ZNF540: variants seen among roughly 807,000 people sequenced by gnomAD.
The protein encoded by ZNF540 is zinc finger protein 540, also known as CTD-3064H18.6.
In ZNF540, 3 loss-of-function variants were observed where a neutral mutation model predicts 11.8. That is an observed-to-expected ratio of 0.25 (90% CI 0.12 to 0.65). The LOEUF is 0.65. Ranked by LOEUF, ZNF540 falls within the 30% of genes least tolerant of loss-of-function variation. The pLI is 0.83. For missense variants in ZNF540, 709 were observed against 793.1 expected (o/e 0.89, Z 1.27); for synonymous variants, 247 against 259.0 (o/e 0.95, Z 0.45).
chr19:37,572,897 A>G (rs1437998189), intron 1 of ZNF540, among the ~76,000 whole-genome samples: 1 of 145,730 alleles, frequency 6.9e-6, no homozygotes, highest in Admixed American at 7.0e-5. Flanking sequence ...AGGGCAAGAA[A>G]TAATTATTTC....
intron 4 of ZNF540, among the ~76,000 whole-genome samples, chr19:37,602,557 G>T (rs2044047560): frequency 6.6e-6 from 1 of 152,194 alleles, no homozygotes; most frequent in Admixed American, 6.5e-5. Flanking sequence ...GTCCTTTACA[G>T]AAAGTTTGCT....
chr19:37,612,154 A>C lies in ZNF540; in HGVS notation c.874A>C (p.Ile292Leu), dbSNP rs1356819223. 1 of 1,611,504 alleles carries C rather than the reference A, an allele frequency of 6.2e-7. No individual in the cohort carries two copies. Among genetic ancestry groups the C allele is most frequent in the Non-Finnish European group, 8.5e-7 (1 of 1,179,630 alleles). The change falls in exon 5 of 5, where the codon ATT becomes CTT. Residue 292 changes from isoleucine to leucine, a missense_variant. By Grantham distance (5) the Ile-to-Leu change is conservative. Coordinates refer to ENST00000316433, the MANE Select transcript of ZNF540 (RefSeq NM_001172225.3). The stretch of plus-strand genomic sequence containing the variant: ...ATTAGAACTTACTCAACATAAAAGA[A>C]TTCATACTGGTAAGAAATCTTATGA... ...SRLELTQHKR[I>L]HTGKKSYECK...
In ZNF540 at chr19:37,565,884, A is replaced by C. The variant is rs762282395; in HGVS notation, c.-73+14219A>C. 5 of 1,613,918 alleles carry C rather than the reference A, an allele frequency of 3.1e-6. No individual in the cohort carries two copies. The South Asian group carries it at 5.5e-5, about 18-fold the overall frequency. ...GTCTGAATTCTCTGATGTTGAATAT[A>C]GCTTGGCTTTTTGCTAAAGGTATTC... is the stretch of plus-strand genomic sequence containing the variant. On this transcript the variant is annotated intron_variant, in intron 1 of 4. Coordinates refer to the ZNF540 transcript ENST00000592533.
At chr19:37,566,605 G>T in intron 1 of ZNF540, 1 of 215,098 alleles carries the variant, frequency 4.6e-6, no homozygotes, top group Non-Finnish European at 9.2e-6. Context: ...TGTGTAGCTG[G>T]ACATACAATC....
At chr19:37,554,368 A>AC (rs1232311457) in intron 1 of ZNF540, among the ~76,000 whole-genome samples, 1 of 152,028 alleles carries the variant, frequency 6.6e-6, no homozygotes, top group Non-Finnish European at 1.5e-5. Context: ...AAAAGTTTTC[A>AC]CTTTTTTCAT....
At chr19:37,584,225 G>A (rs1407374178) in intron 1 of ZNF540, 1 of 1,315,152 alleles carries the variant, frequency 7.6e-7, no homozygotes, top group Non-Finnish European at 1.1e-6. Flanking sequence ...TGCCTAAACA[G>A]TAGTATTAAC....
At chr19:37,579,249 C>T (rs2043359011) in intron 1 of ZNF540, among the ~76,000 whole-genome samples, 1 of 152,348 alleles carries the variant, frequency 6.6e-6, no homozygotes, top group Non-Finnish European at 1.5e-5. Flanking sequence ...AGTCCAGCCC[C>T]TTCAGGTCTC....
rs1220712849 is a variant in ZNF540, at chr19:37,570,983, C to T, written c.-73+19318C>T. ...ACAAATTACTCTAATTTTAAATCTA[C>T]TAACAGTATATAGCCTATTTCTAAT... On this transcript the variant is annotated intron_variant, in intron 1 of 4. Coordinates refer to the ZNF540 transcript ENST00000592533. Among the ~76,000 whole-genome samples, 3 of 152,198 alleles carry T rather than the reference C, an allele frequency of 2.0e-5. 1 individual carries two copies. The highest frequency in any genetic ancestry group is 1.3e-4 in the Admixed American group (2 of 15,282).
chr19:37,563,408 C>T (rs1372490274), intron 1 of ZNF540: 1 of 151,068 alleles, frequency 6.6e-6, no homozygotes, highest in Non-Finnish European at 1.5e-5. Flanking sequence ...AAAAATTTAC[C>T]ATTCAGTATA....
intron 1 of ZNF540, chr19:37,563,903 C>T (rs1479704230): frequency 6.6e-6 from 1 of 151,820 alleles, no homozygotes; most frequent in Non-Finnish European, 1.5e-5. Flanking sequence ...ATTCTTTTTC[C>T]CTTAAAGTAA....
chr19:37,606,338 T>C (rs979443467), intron 4 of ZNF540, among the ~76,000 whole-genome samples: 1 of 152,232 alleles, frequency 6.6e-6, no homozygotes, highest in Non-Finnish European at 1.5e-5. Flanking sequence ...TGGACATTTG[T>C]ATTGTTTACA....
chr19:37,573,644 C>CAGTAG (rs1280500328), intron 1 of ZNF540, among the ~76,000 whole-genome samples: 1 of 143,242 alleles, frequency 7.0e-6, no homozygotes, highest in East Asian at 2.0e-4. Context: ...CTGGGCAACA[C>CAGTAG]AGTAGACACA....
At chr19:37,571,240 G>A (rs2043039853) in intron 1 of ZNF540, among the ~76,000 whole-genome samples, 1 of 152,128 alleles carries the variant, frequency 6.6e-6, no homozygotes, top group African/African-American at 2.4e-5. Context: ...GCTCATGCCT[G>A]TAATCCCAGC....
chr19:37,573,006 ATGAT>A (rs1288891523), intron 1 of ZNF540, among the ~76,000 whole-genome samples: 1 of 152,142 alleles, frequency 6.6e-6, no homozygotes, highest in African/African-American at 2.4e-5. Flanking sequence ...CTTTCATCAC[ATGAT>A]TGATTATAGA....
At chr19:37,561,306 C>T (rs566072575) in intron 1 of ZNF540, among the ~76,000 whole-genome samples, 15 of 152,204 alleles carry the variant, frequency 9.9e-5, no homozygotes, top group African/African-American at 3.6e-4. Context: ...AAAACCTTGG[C>T]TACAGAAATT....
chr19:37,580,956 A>G (rs956226917), intron 1 of ZNF540, among the ~76,000 whole-genome samples: 3 of 152,248 alleles, frequency 2.0e-5, no homozygotes, highest in Non-Finnish European at 4.4e-5. Flanking sequence ...TAGTTCCACT[A>G]TAACACTTTG....
chr19:37,605,219 G>A (rs1405754646), intron 4 of ZNF540, among the ~76,000 whole-genome samples: 35 of 152,280 alleles, frequency 2.3e-4, no homozygotes, highest in Non-Finnish European at 8.8e-5. Flanking sequence ...CCGGCACTTT[G>A]GGAGGCTAAG....
chr19:37,561,309 C>A (rs1212042294), intron 1 of ZNF540, among the ~76,000 whole-genome samples: 1 of 152,078 alleles, frequency 6.6e-6, no homozygotes, highest in African/African-American at 2.4e-5. Flanking sequence ...ACCTTGGCTA[C>A]AGAAATTGTT....
chr19:37,585,661 A>C (rs1167354066), intron 1 of ZNF540: 2 of 152,258 alleles, frequency 1.3e-5, no homozygotes, highest in Non-Finnish European at 1.5e-5. Context: ...AATAGAGCTA[A>C]CCATCCTTTC....
Sources: gnomAD v4.1 joint callset for allele counts (sites outside exome capture counted in the v4.1 genomes callset) on GRCh38, gnomAD v4.1.1 for gene constraint, MANE v1.5 for transcripts, NCBI Gene and HGNC (gene_info 2026-07-23, HGNC 2026-07-21) for gene names.